Variants in EPCAM observed in about 807,000 individuals in gnomAD.
EPCAM encodes the protein adenocarcinoma-associated antigen.
In EPCAM, 39 loss-of-function variants were observed where a neutral mutation model predicts 40.0. The ratio of observed to expected loss-of-function variants is 0.98; its 90% CI spans 0.76 to 1.27. The LOEUF (loss-of-function observed/expected upper bound fraction) is 1.27. EPCAM is among the 50% of genes most tolerant of loss of function. The pLI is 0.00. For synonymous variants in EPCAM, 168 were observed against 132.3 expected (o/e 1.27, Z -1.85); for missense variants, 503 against 381.2 (o/e 1.32, Z -2.66).
chr2:47,377,875 C>A (rs1671467453), intron 5 of EPCAM: 2 of 386,336 alleles, frequency 5.2e-6, no homozygotes, highest in East Asian at 1.9e-4. Context: ...TGACGGAACT[C>A]TTTAAAGGTA....
chr2:47,372,738 A>G (rs911632275), intron 1 of EPCAM, among the ~76,000 whole-genome samples: 15 of 151,374 alleles, frequency 9.9e-5, no homozygotes, highest in African/African-American at 3.6e-4. Flanking sequence ...TACCACTGCA[A>G]TCCAGCCTGC....
At chr2:47,370,817 G>T (rs181767423) in intron 1 of EPCAM, among the ~76,000 whole-genome samples, 2 of 152,014 alleles carry the variant, frequency 1.3e-5, no homozygotes, top group Non-Finnish European at 1.5e-5. Context: ...TGCAATTCAG[G>T]CGATTCTCCT....
Position 47,369,455 on chromosome 2 carries a change from C to A in EPCAM, c.-51C>A, listed in dbSNP as rs1471753462. 1 of 1,370,648 alleles carries A rather than the reference C, an allele frequency of 7.3e-7. No individual in the cohort carries two copies. The highest frequency in any genetic ancestry group is 9.3e-7 in the Non-Finnish European group (1 of 1,070,690). 84.9% of individuals were successfully genotyped at this position (1,370,648 alleles called of 1,614,324 possible). A position where few individuals can be genotyped will look rare whatever the true frequency, so the allele number is the denominator to read the frequency against. On this transcript the variant is annotated 5_prime_UTR_variant, in exon 1 of 9. Transcript: ENST00000263735. ...GTGTCCCACTCCCGGCGCACGCCCT[C>A]CCGCGAGTCCCGGGCCCCTCCCGCG...
chr2:47,383,370 C>T, intron 7 of EPCAM: 1 of 151,234 alleles, frequency 6.6e-6, no homozygotes, highest in Non-Finnish European at 1.5e-5. Context: ...GTGTCATGAT[C>T]TCGGCTCACT....
chr2:47,370,554 C>A (rs866762186), intron 1 of EPCAM, among the ~76,000 whole-genome samples: 3 of 150,262 alleles, frequency 2.0e-5, no homozygotes, highest in Admixed American at 2.0e-4. Context: ...TGATTACAGG[C>A]GTGAGCCACC....
At chr2:47,381,859 TG>T (rs1009071135) in intron 7 of EPCAM, among the ~76,000 whole-genome samples, 89 of 152,294 alleles carry the variant, frequency 5.8e-4, no homozygotes, top group African/African-American at 1.9e-3. Context: ...CTCCAATTCC[TG>T]GACTTAAGTA....
Position 47,384,064 on chromosome 2 carries a change from G to C in EPCAM, c.859-1102G>C, listed in dbSNP as rs1671670304. Reference sequence around the variant, plus strand: ...TTTGTTTGTTTGTTTCACTTGTCGTGGTAGACTTTTTTTTGTTTAGTAGTG... The same window carrying C: ...TTTGTTTGTTTGTTTCACTTGTCGTCGTAGACTTTTTTTTGTTTAGTAGTG... On this transcript the variant is annotated intron_variant, in intron 7 of 8. Transcript: ENST00000263735. 2.0e-5 allele frequency among the ~76,000 whole-genome samples: 3 copies of C among 151,572 alleles called. 1 individual carries two copies. The highest frequency in any genetic ancestry group is 4.4e-5 in the Non-Finnish European group (3 of 67,876).
chr2:47,383,635 T>C (rs1671658357), intron 7 of EPCAM, among the ~76,000 whole-genome samples: 1 of 92,788 alleles, frequency 1.1e-5, no homozygotes, highest in East Asian at 3.4e-4. Context: ...TTTTTTTTTT[T>C]TTTTTTTTTT....
In EPCAM at chr2:47,385,186, A is replaced by T. The variant is rs1159272212; in HGVS notation, c.879A>T (p.Arg293Ser). The T allele has an allele frequency of 6.2e-7, 1 of 1,613,250 alleles. No homozygotes were observed. Among genetic ancestry groups the T allele is most frequent in the Admixed American group, 1.7e-5 (1 of 59,996 alleles). Reference protein sequence around the residue: ...IVVLVISRKKRMAKYEKAEIK... With the variant: ...IVVLVISRKKSMAKYEKAEIK... The stretch of plus-strand genomic sequence containing the variant: ...CTCAGGTTATTTCCAGAAAGAAGAG[A>T]ATGGCAAAGTATGAGAAGGCTGAGG... Residue 293 changes from arginine to serine, a missense_variant, in exon 8 of 9, where the codon AGA becomes AGT. Transcript: ENST00000263735.
At chr2:47,378,330 T>A (rs1671483253) in intron 5 of EPCAM, among the ~76,000 whole-genome samples, 1 of 148,934 alleles carries the variant, frequency 6.7e-6, no homozygotes, top group Non-Finnish European at 1.5e-5. Context: ...AGACGGAGTT[T>A]CGCTCTTGTT....
At chr2:47,386,462 A>G in intron 8 of EPCAM, 110 bp from the exon 9 acceptor site, 1 of 819,772 alleles carries the variant, frequency 1.2e-6, no homozygotes, top group South Asian at 1.8e-5. Context: ...AATGTGGGAA[A>G]AAATTATCTT....
At chr2:47,373,231 A>AAAAAAAAAAAAAAAAAC (rs1558434793) in intron 1 of EPCAM, among the ~76,000 whole-genome samples, 1 of 137,230 alleles carries the variant, frequency 7.3e-6, no homozygotes. Context: ...AAAAAAAAAA[A>AAAAAAAAAAAAAAAAAC]AAAACAGGAA....
Position 47,375,311 on chromosome 2 carries a change from T to G in EPCAM, c.491+12T>G, listed in dbSNP as rs559825622. The G allele has an allele frequency of 4.5e-6, 7 of 1,572,514 alleles. No homozygotes were observed. In the African/African-American group the frequency reaches 9.4e-5, roughly 21 times the overall value. On this transcript the variant is annotated intron_variant, in intron 4 of 8. Transcript: ENST00000263735. ...AAAAGTTTGCGGACGTAAGTGCAAT[T>G]AAATGCATCATATTCTTGCACAGTT...
At chr2:47,372,790 A>C (rs1352172324) in intron 1 of EPCAM, among the ~76,000 whole-genome samples, 1 of 152,098 alleles carries the variant, frequency 6.6e-6, no homozygotes, top group African/African-American at 2.4e-5. Context: ...AAACAAAAAA[A>C]GGCAGTGACT....
In EPCAM at chr2:47,379,073, A is replaced by G; in HGVS notation, c.657+19A>G. 8.0e-7 allele frequency: 1 copy of G among 1,256,982 alleles called. No homozygotes were observed. The highest frequency in any genetic ancestry group is 1.5e-5 in the African/African-American group (1 of 68,046). The allele number at this position is 1,256,982 out of a possible 1,614,324, so 77.9% of individuals were successfully genotyped here. On this transcript the variant is annotated intron_variant, in intron 6 of 8. Coordinates refer to ENST00000263735, the MANE Select transcript of EPCAM (RefSeq NM_002354.3). ...AAAAGATGTGAGTATCATCTTCTTT[A>G]TTCCTGTGTTCAGGAATGTAGTCTA...
chr2:47,371,484 T>C (rs1164931809), intron 1 of EPCAM, among the ~76,000 whole-genome samples: 1 of 152,250 alleles, frequency 6.6e-6, no homozygotes, highest in African/African-American at 2.4e-5. Context: ...CAAAGGTCTC[T>C]GGAAGGGCTT....
At chr2:47,383,762 G>A (rs929554247) in intron 7 of EPCAM, among the ~76,000 whole-genome samples, 17 of 150,242 alleles carry the variant, frequency 1.1e-4, no homozygotes, top group African/African-American at 4.2e-4. Context: ...AGCTTCCCAA[G>A]TAGCTGGGAC....
intron 5 of EPCAM, chr2:47,377,587 G>T: frequency 3.9e-6 from 1 of 258,266 alleles, no homozygotes. Context: ...GAAAAGCCTA[G>T]TTTTACTCCT....
At chr2:47,375,663 AT>A (rs1212176356) in intron 4 of EPCAM, among the ~76,000 whole-genome samples, 1 of 151,934 alleles carries the variant, frequency 6.6e-6, no homozygotes, top group Non-Finnish European at 1.5e-5. Context: ...AACAAAAGGC[AT>A]TCTTTTATAT....
Sources: gnomAD v4.1 joint callset for allele counts (sites outside exome capture counted in the v4.1 genomes callset) on GRCh38, gnomAD v4.1.1 for gene constraint, MANE v1.5 for transcripts, NCBI Gene and HGNC (gene_info 2026-07-23, HGNC 2026-07-21) for gene names.